NTRK3: variants seen among roughly 807,000 people sequenced by gnomAD.
NTRK3 encodes neurotrophic receptor tyrosine kinase 3.
Under a neutral mutation model 91.7 loss-of-function variants are expected in NTRK3, and 24 were observed. The ratio of observed to expected loss-of-function variants is 0.26; its 90% CI spans 0.19 to 0.37. The LOEUF is 0.37. Among genes scored for constraint, NTRK3 ranks in the 10% least tolerant of loss-of-function variants. The pLI, the probability that NTRK3 is intolerant of heterozygous loss-of-function variation, is 1.00. For synonymous variants in NTRK3, 483 were observed against 404.0 expected, an observed-to-expected ratio of 1.20 and a Z score of -2.34; for missense variants, 880 against 1,068.9, an observed-to-expected ratio of 0.82 and a Z score of 2.46.
chr15:88,010,312 C>T (rs930376009), intron 14 of NTRK3, among the ~76,000 whole-genome samples: 1 of 152,184 alleles, frequency 6.6e-6, no homozygotes, highest in African/African-American at 2.4e-5. Flanking sequence ...CTCTAAAACA[C>T]GGCTCCAGTC....
At chr15:87,957,826 G>A (rs529014525) in intron 14 of NTRK3, among the ~76,000 whole-genome samples, 2 of 152,326 alleles carry the variant, frequency 1.3e-5, no homozygotes, top group African/African-American at 4.8e-5. Context: ...GTGGCCCATT[G>A]TTTAGCAGAG....
At chr15:87,962,740 G>A (rs34866366) in intron 14 of NTRK3, among the ~76,000 whole-genome samples, 1,694 of 152,254 alleles carry the variant, frequency 0.011, 38 homozygotes, top group African/African-American at 0.039. Context: ...GTGTTCCAAG[G>A]ACGCCGCCTG....
At chr15:88,140,401 G>A (rs563437925) in intron 6 of NTRK3, among the ~76,000 whole-genome samples, 124 of 152,320 alleles carry the variant, frequency 8.1e-4, no homozygotes, top group African/African-American at 2.7e-3. Flanking sequence ...ACCCTGGCAC[G>A]TGGCTACATG....
At chr15:88,164,736 C>T (rs1363731045) in intron 5 of NTRK3, among the ~76,000 whole-genome samples, 2 of 152,108 alleles carry the variant, frequency 1.3e-5, no homozygotes, top group African/African-American at 4.8e-5. Flanking sequence ...CTCTTTTCTC[C>T]TTTTAATTAC....
At chr15:88,040,929 A>G (rs1461618229) in intron 13 of NTRK3, among the ~76,000 whole-genome samples, 1 of 152,226 alleles carries the variant, frequency 6.6e-6, no homozygotes. Context: ...ATCCTCAAAT[A>G]AGTTTAAGTC....
intron 14 of NTRK3, among the ~76,000 whole-genome samples, chr15:87,999,962 G>A (rs1372391600): frequency 1.3e-5 from 2 of 152,198 alleles, no homozygotes; most frequent in African/African-American, 2.4e-5. Flanking sequence ...GGATCTGAGA[G>A]TACAGGGCTT....
At chr15:87,923,691 G>T (rs758191593) in intron 17 of NTRK3, among the ~76,000 whole-genome samples, 4 of 152,208 alleles carry the variant, frequency 2.6e-5, no homozygotes, top group Admixed American at 6.5e-5. Flanking sequence ...GGGTTTGAAA[G>T]TGTCCTCCAA....
At chr15:87,990,442 T>G (rs1197969371) in intron 14 of NTRK3, among the ~76,000 whole-genome samples, 2 of 152,196 alleles carry the variant, frequency 1.3e-5, no homozygotes, top group Non-Finnish European at 1.5e-5. Context: ...GCACATCACT[T>G]TTTATTTCTG....
At chr15:88,205,622 C>T (rs1457374491) in intron 3 of NTRK3, among the ~76,000 whole-genome samples, 1 of 152,168 alleles carries the variant, frequency 6.6e-6, no homozygotes, top group South Asian at 2.1e-4. Context: ...GCACACAGCC[C>T]GCTTCTGAAC....
chr15:87,887,756 A>G (rs2065633181), intron 17 of NTRK3, among the ~76,000 whole-genome samples: 1 of 152,196 alleles, frequency 6.6e-6, no homozygotes, highest in Non-Finnish European at 1.5e-5. Context: ...AGCCAGAAAC[A>G]GTAATATGAA....
chr15:88,027,501 G>T (rs1420515066), intron 14 of NTRK3, among the ~76,000 whole-genome samples: 1 of 152,148 alleles, frequency 6.6e-6, no homozygotes, highest in African/African-American at 2.4e-5. Flanking sequence ...TCCTGCCTCA[G>T]CCTCCCGAGT....
chr15:88,070,486 G>A (rs1462062562), intron 13 of NTRK3, among the ~76,000 whole-genome samples: 1 of 152,176 alleles, frequency 6.6e-6, no homozygotes, highest in Admixed American at 6.5e-5. Context: ...AACATGACAA[G>A]GGATACAGAG....
intron 17 of NTRK3, among the ~76,000 whole-genome samples, chr15:87,886,733 CAT>C (rs1245300367): frequency 2.2e-5 from 3 of 138,488 alleles, no homozygotes; most frequent in Admixed American, 7.1e-5. Context: ...CACACACACA[CAT>C]AAACACACAC....
chr15:87,864,324 A>G (rs1360738974), exon 19 of NTRK3: 2 of 231,186 alleles, frequency 8.7e-6, no homozygotes, highest in East Asian at 6.1e-5. Context: ...TATGAATACA[A>G]TCAATCTTTT....
At chr15:88,180,037 C>T (rs2046323190) in intron 5 of NTRK3, among the ~76,000 whole-genome samples, 1 of 152,148 alleles carries the variant, frequency 6.6e-6, no homozygotes. Context: ...TCTATCATCA[C>T]CACCAGGAAT....
In NTRK3 at chr15:88,033,645, G is replaced by A. The variant is rs961716085; in HGVS notation, c.1397-600C>T. ...TTTATTAGCAAAATCCACTGGAAGC[G>A]TATTCCTCGAATGCTCTGTATTCTG... is the stretch of plus-strand genomic sequence containing the variant. On this transcript the variant is annotated intron_variant, in intron 13 of 18. Coordinates refer to ENST00000394480, the Ensembl canonical transcript of NTRK3. 9.9e-5 allele frequency among the ~76,000 whole-genome samples: 15 copies of A among 151,972 alleles called. No homozygotes were observed. In the East Asian group the frequency reaches 1.2e-3, roughly 12 times the overall value.
intron 18 of NTRK3, among the ~76,000 whole-genome samples, chr15:87,878,026 C>T (rs148431926): frequency 1.7e-3 from 253 of 152,218 alleles, no homozygotes; most frequent in African/African-American, 5.9e-3. Context: ...ATTTCCAATT[C>T]CTCAAAGATA....
chr15:88,035,430 C>G (rs571794778), intron 13 of NTRK3, among the ~76,000 whole-genome samples: 1 of 152,144 alleles, frequency 6.6e-6, no homozygotes, highest in Non-Finnish European at 1.5e-5. Context: ...CCCATCACAC[C>G]AATCTCATCT....
At chr15:88,089,717 C>T (rs1345660127) in intron 13 of NTRK3, among the ~76,000 whole-genome samples, 1 of 152,220 alleles carries the variant, frequency 6.6e-6, no homozygotes, top group East Asian at 1.9e-4. Context: ...CAGGGCACAA[C>T]CTGTGCTACT....
Sources: allele counts gnomAD v4.1 joint callset (sites outside exome capture counted in the v4.1 genomes callset), GRCh38; gene constraint gnomAD v4.1.1; transcripts MANE v1.5; gene names NCBI Gene and HGNC (gene_info 2026-07-23, HGNC 2026-07-21).